Variants in ARHGAP21 observed in about 807,000 individuals in gnomAD.
The protein encoded by ARHGAP21 is rho GTPase-activating protein 21.
In ARHGAP21, 38 loss-of-function variants were observed where a neutral mutation model predicts 164.6. The ratio of observed to expected loss-of-function variants is 0.23; its 90% CI spans 0.18 to 0.30. ARHGAP21 has a LOEUF of 0.30. Ranked by LOEUF, ARHGAP21 falls within the 10% of genes least tolerant of loss-of-function variation. The probability of loss-of-function intolerance (pLI) is 1.00; values close to 1 mark genes in which losing one functional copy is unlikely to be tolerated. For synonymous variants in ARHGAP21, 766 were observed against 857.9 expected (o/e 0.89, Z 1.87); for missense variants, 1,822 against 2,370.7 (o/e 0.77, Z 4.81).
chr10:24,630,016 CT>C lies in ARHGAP21; in HGVS notation c.474del (p.Asp159MetfsTer25). ...DTTLELSVMPKDEDILQVLQF... is the reference protein window; with the variant it reads ...DTTLELSVMPXDEDILQVLQF... ...CTTACCACTTGGAGAATGTCTTCAT[CT>C]TTTGGCATAACACTAAGTTCCAATG... is the stretch of plus-strand genomic sequence containing the variant. On this transcript the variant is annotated frameshift_variant, in exon 7 of 26. Coordinates refer to ENST00000396432, the MANE Select transcript of ARHGAP21 (RefSeq NM_020824.4). LOFTEE classifies it high-confidence loss of function. The C allele has an allele frequency of 1.3e-6, 2 of 1,573,730 alleles. No individual in the cohort carries two copies. Among genetic ancestry groups the C allele is most frequent in the African/African-American group, 1.4e-5 (1 of 73,420 alleles).
At chr10:24,655,631 G>A (rs1341497714) in intron 4 of ARHGAP21, among the ~76,000 whole-genome samples, 19 of 147,810 alleles carry the variant, frequency 1.3e-4, no homozygotes, top group East Asian at 4.2e-4. Context: ...CTGCCCGGCC[G>A]CCACCCCGTC....
In ARHGAP21 at chr10:24,648,898, C is replaced by A; in HGVS notation, c.269-13795G>T. ...CATGTCCTAGTCAGTCAGAAGACAA[C>A]CCTGGAGACCTCCTTTCCCATATTT... On this transcript the variant is annotated intron_variant, in intron 4 of 25. Transcript: ENST00000396432. 3 of 978,908 alleles carry A rather than the reference C, an allele frequency of 3.1e-6. No homozygotes were observed. The South Asian group carries it at 1.4e-4, about 46-fold the overall frequency. 60.6% of individuals were successfully genotyped at this position (978,908 alleles called of 1,614,324 possible). A position where few individuals can be genotyped will look rare whatever the true frequency, so the allele number is the denominator to read the frequency against.
Position 24,719,094 on chromosome 10 carries a change from G to A in ARHGAP21, c.63+2743C>T, listed in dbSNP as rs557331616. On this transcript the variant is annotated intron_variant, in intron 2 of 25. Transcript: ENST00000396432. ...AAGGATTGGTGTCAGAAGACTTCAC[G>A]GACTACACACACACACACACACACA... 4.3e-3 allele frequency among the ~76,000 whole-genome samples: 378 copies of A among 88,374 alleles called. 3 individuals are homozygous for A. The highest frequency in any genetic ancestry group is 0.017 in the African/African-American group (296 of 17,568). 58.0% of individuals were successfully genotyped at this position (88,374 alleles called of 152,430 possible).
At chr10:24,654,653 T>A (rs904065291) in intron 4 of ARHGAP21, among the ~76,000 whole-genome samples, 2 of 152,182 alleles carry the variant, frequency 1.3e-5, no homozygotes, top group African/African-American at 4.8e-5. Context: ...TTCCATGCTC[T>A]TGGATAGGAA....
intron 2 of ARHGAP21, among the ~76,000 whole-genome samples, chr10:24,691,367 C>A (rs538142824): frequency 2.0e-5 from 3 of 152,212 alleles, no homozygotes; most frequent in Admixed American, 6.5e-5. Flanking sequence ...AGGCTGTCAT[C>A]CAACTTCTAA....
intron 2 of ARHGAP21, among the ~76,000 whole-genome samples, chr10:24,683,436 T>A (rs987636883): frequency 1.3e-5 from 2 of 152,166 alleles, no homozygotes; most frequent in Non-Finnish European, 2.9e-5. Context: ...AATTTTTACC[T>A]GGATAGCACA....
intron 16 of ARHGAP21, 101 bp downstream of exon 16, chr10:24,597,346 T>A (rs1003435094): frequency 1.4e-6 from 2 of 1,424,414 alleles, no homozygotes; most frequent in Non-Finnish European, 1.9e-6. Flanking sequence ...CTAGTTGACA[T>A]GGGGCCTGGT....
At chr10:24,700,694 T>C (rs1013511864) in intron 2 of ARHGAP21, among the ~76,000 whole-genome samples, 3 of 152,198 alleles carry the variant, frequency 2.0e-5, no homozygotes, top group Non-Finnish European at 2.9e-5. Context: ...TGGTAAGTGG[T>C]AACACCATAA....
intron 2 of ARHGAP21, among the ~76,000 whole-genome samples, chr10:24,676,007 G>A (rs1841187167): frequency 1.3e-5 from 2 of 152,090 alleles, no homozygotes; most frequent in Non-Finnish European, 2.9e-5. Context: ...AATTAGCTGA[G>A]TGCAATGGCA....
Position 24,620,410 on chromosome 10 carries a change from T to A in ARHGAP21, c.1485A>T (p.Ser495=). The A allele has an allele frequency of 1.2e-6, 2 of 1,612,292 alleles. No individual in the cohort carries two copies. Among genetic ancestry groups the A allele is most frequent in the Non-Finnish European group, 1.7e-6 (2 of 1,178,994 alleles). The change falls in exon 9 of 26, where the codon TCA becomes TCT. Residue 495 remains serine, a synonymous_variant. Transcript: ENST00000396432. ...SVSFSNHRTR[S]WDYIEGQDET... Reference sequence around the variant, plus strand: ...CATCCTGTCCCTCAATATAATCCCATGAACGAGTTCTATGATTACTAAAAC... The same window carrying A: ...CATCCTGTCCCTCAATATAATCCCAAGAACGAGTTCTATGATTACTAAAAC...
chr10:24,656,285 A>C (rs1838901291), intron 4 of ARHGAP21, among the ~76,000 whole-genome samples: 1 of 89,212 alleles, frequency 1.1e-5, no homozygotes, highest in Non-Finnish European at 2.2e-5. Flanking sequence ...GGCCGCCCCT[A>C]CTGGGAAGTG....
At chr10:24,594,761 A>C (rs1222002945) in intron 21 of ARHGAP21, among the ~76,000 whole-genome samples, 189 bp downstream of exon 21, 1 of 152,210 alleles carries the variant, frequency 6.6e-6, no homozygotes, top group Non-Finnish European at 1.5e-5. Context: ...ATCTTTTAAA[A>C]TATCCTTTTA....
intron 2 of ARHGAP21, among the ~76,000 whole-genome samples, chr10:24,699,149 C>T (rs915425093): frequency 2.0e-5 from 3 of 152,086 alleles, no homozygotes; most frequent in Admixed American, 1.3e-4. Flanking sequence ...TTCATCTTTT[C>T]GTCCCCTTTC....
At chr10:24,705,436 A>T (rs1031567273) in intron 2 of ARHGAP21, among the ~76,000 whole-genome samples, 7 of 152,260 alleles carry the variant, frequency 4.6e-5, no homozygotes, top group African/African-American at 1.2e-4. Flanking sequence ...CTGATACATT[A>T]GTCTATTATG....
intron 2 of ARHGAP21, among the ~76,000 whole-genome samples, chr10:24,721,459 A>T (rs1008811185): frequency 1.3e-5 from 2 of 152,206 alleles, no homozygotes; most frequent in African/African-American, 4.8e-5. Flanking sequence ...ACAAATGCTG[A>T]AAGCCACCCC....
intron 13 of ARHGAP21, among the ~76,000 whole-genome samples, chr10:24,601,590 G>C (rs2076815681): frequency 6.6e-6 from 1 of 151,860 alleles, no homozygotes; most frequent in Non-Finnish European, 1.5e-5. Context: ...AGTTATAAAG[G>C]TAATTTAAAA....
At chr10:24,604,385 T>C in intron 11 of ARHGAP21, 37 bp from the exon 12 acceptor site, 1 of 1,449,632 alleles carries the variant, frequency 6.9e-7, no homozygotes, top group Admixed American at 2.0e-5. Context: ...TTTCAATTAG[T>C]GCAAAAAAAA....
At chr10:24,596,070 T>C in intron 17 of ARHGAP21, 27 bp from the exon 18 acceptor site, 3 of 1,550,986 alleles carry the variant, frequency 1.9e-6, no homozygotes. Context: ...AAACATTTTA[T>C]TTAATGCAGC....
intron 2 of ARHGAP21, among the ~76,000 whole-genome samples, chr10:24,720,208 A>G (rs1845789723): frequency 6.6e-6 from 1 of 151,934 alleles, no homozygotes; most frequent in Admixed American, 6.6e-5. Flanking sequence ...CTAGCCAAGG[A>G]CAAGATGTGT....
Sources: gnomAD v4.1 joint callset for allele counts (sites outside exome capture counted in the v4.1 genomes callset) on GRCh38, gnomAD v4.1.1 for gene constraint, MANE v1.5 for transcripts, NCBI Gene and HGNC (gene_info 2026-07-23, HGNC 2026-07-21) for gene names.